Variants in ADAMTSL3 observed in about 807,000 individuals in gnomAD.
ADAMTSL3 encodes ADAMTS like 3.
ADAMTSL3 carries 128 observed loss-of-function variants against 201.7 expected under a neutral mutation model. The ratio of observed to expected loss-of-function variants is 0.63; its 90% CI spans 0.55 to 0.73. ADAMTSL3 has a LOEUF of 0.73. Ranked by LOEUF, ADAMTSL3 falls within the 30% of genes least tolerant of loss-of-function variation. ADAMTSL3 has a pLI of 0.00. For missense variants in ADAMTSL3, 1,990 were observed against 2,119.6 expected (o/e 0.94, Z 1.20); for synonymous variants, 738 against 748.4 (o/e 0.99, Z 0.23).
At chr15:83,897,832 G>A (rs199918969) in intron 13 of ADAMTSL3, 26 bp from the exon 14 acceptor site, 31 of 1,556,006 alleles carry the variant, frequency 2.0e-5, no homozygotes, top group Admixed American at 7.6e-5. Context: ...AAAGAAATGC[G>A]TTGGCTTCTC....
At chr15:83,855,136 C>G (rs534235231) in intron 7 of ADAMTSL3, among the ~76,000 whole-genome samples, 1 of 152,272 alleles carries the variant, frequency 6.6e-6, no homozygotes, top group East Asian at 1.9e-4. Context: ...CTTCCTGCTT[C>G]CTTAGAGTCT....
Position 83,943,022 on chromosome 15 carries a change from T to G in ADAMTSL3, c.2430T>G (p.Ser810=). The G allele has an allele frequency of 6.2e-7, 1 of 1,614,108 alleles. No individual in the cohort carries two copies. The highest frequency in any genetic ancestry group is 1.3e-5 in the African/African-American group (1 of 75,056). The part of the protein sequence containing the change: ...DELCQGPKAS[S]HKSCARTDCP... ...TGTGCCAAGGACCCAAGGCATCGTC[T>G]CACAAGTCCTGTGCCAGGACAGACT... Residue 810 remains serine (S), a synonymous_variant, in exon 19 of 30, where the codon TCT becomes TCG. Coordinates refer to ENST00000286744, the MANE Select transcript of ADAMTSL3 (RefSeq NM_207517.3).
intron 2 of ADAMTSL3, among the ~76,000 whole-genome samples, chr15:83,674,772 T>TACAC (rs1037094872): frequency 7.8e-6 from 1 of 128,356 alleles, no homozygotes; most frequent in Non-Finnish European, 1.7e-5. Flanking sequence ...TATACATATA[T>TACAC]ATATATATAT....
chr15:83,796,589 A>G (rs939486639), intron 4 of ADAMTSL3, among the ~76,000 whole-genome samples: 1 of 152,226 alleles, frequency 6.6e-6, no homozygotes, highest in Non-Finnish European at 1.5e-5. Context: ...TATAAGCATA[A>G]TTTCAATTCT....
intron 20 of ADAMTSL3, among the ~76,000 whole-genome samples, chr15:83,974,793 G>T (rs1331041436): frequency 6.6e-6 from 1 of 152,036 alleles, no homozygotes; most frequent in Non-Finnish European, 1.5e-5. Context: ...GACTTTTAGG[G>T]TTCCTGAGCT....
At chr15:83,850,807 A>C (rs2064596905) in intron 7 of ADAMTSL3, among the ~76,000 whole-genome samples, 1 of 152,188 alleles carries the variant, frequency 6.6e-6, no homozygotes. Context: ...CCTCTGCCTC[A>C]CAGGATTCTC....
At chr15:83,831,366 C>A (rs751076663) in intron 6 of ADAMTSL3, among the ~76,000 whole-genome samples, 62 of 151,998 alleles carry the variant, frequency 4.1e-4, no homozygotes, top group Non-Finnish European at 8.4e-4. Flanking sequence ...AGCATAAACC[C>A]CCTTTTCAAA....
chr15:83,901,227 T>C (rs1472772452), intron 15 of ADAMTSL3, among the ~76,000 whole-genome samples: 1 of 152,006 alleles, frequency 6.6e-6, no homozygotes, highest in African/African-American at 2.4e-5. Flanking sequence ...AGTGTTGGGC[T>C]CCTGACAGAA....
At chr15:83,693,662 C>T (rs928976262) in intron 2 of ADAMTSL3, among the ~76,000 whole-genome samples, 1 of 152,176 alleles carries the variant, frequency 6.6e-6, no homozygotes, top group African/African-American at 2.4e-5. Flanking sequence ...ATTTATACCC[C>T]ATCTCCCAGC....
At chr15:83,904,698 T>C (rs925192760) in intron 15 of ADAMTSL3, among the ~76,000 whole-genome samples, 3 of 152,228 alleles carry the variant, frequency 2.0e-5, no homozygotes, top group African/African-American at 7.2e-5. Flanking sequence ...TGGTTCATGG[T>C]TGTTTTAAAA....
In ADAMTSL3 at chr15:83,700,976, G is replaced by A. The variant is rs148221259; in HGVS notation, c.70-3413G>A. On this transcript the variant is annotated intron_variant, in intron 2 of 29. Transcript: ENST00000286744. ...TGTTGATTTCCCTTTCTAAAACACA[G>A]TATTCAGAGGGACGTTTTAGCGTAA... is the stretch of plus-strand genomic sequence containing the variant. Among the ~76,000 whole-genome samples, 518 of 152,254 alleles carry A rather than the reference G, an allele frequency of 3.4e-3. 4 individuals carry two copies. The highest frequency in any genetic ancestry group is 0.012 in the African/African-American group (481 of 41,534).
At chr15:83,991,435 G>A (rs962684297) in intron 23 of ADAMTSL3, among the ~76,000 whole-genome samples, 2 of 152,194 alleles carry the variant, frequency 1.3e-5, no homozygotes, top group African/African-American at 4.8e-5. Context: ...CAAGTTACTT[G>A]TTTCCAGTGT....
intron 8 of ADAMTSL3, among the ~76,000 whole-genome samples, chr15:83,859,041 G>A (rs117825563): frequency 0.011 from 1,614 of 152,334 alleles, 9 homozygotes; most frequent in Non-Finnish European, 0.014. Context: ...GCCAGAGACA[G>A]TGAGGCATTT....
rs59071955 is a variant in ADAMTSL3 at position 83,783,837 on chromosome 15, C to CTGTGTGTGTGTGTGTGTG, written c.317+10199_317+10216dup. Among the ~76,000 whole-genome samples, 15 of 148,760 alleles carry CTGTGTGTGTGTGTGTGTG rather than the reference C, an allele frequency of 1.0e-4. No individual in the cohort carries two copies. The Middle Eastern group carries it at 0.017, about 170-fold the overall frequency. ...TTTTAAAAGTATCTGCATATATACT[C>CTGTGTGTGTGTGTGTGTG]TGTGTGTGTGTGTGTGTGTGTGTGT... On this transcript the variant is annotated intron_variant, in intron 4 of 29. Transcript: ENST00000286744.
rs1345997588 is a variant in ADAMTSL3 at position 84,038,193 on chromosome 15, A to G, written c.*387A>G. The G allele has an allele frequency of 5.8e-6, 1 of 171,170 alleles. No individual in the cohort carries two copies. The highest frequency in any genetic ancestry group is 2.4e-5 in the African/African-American group (1 of 42,270). The allele number at this position is 171,170 out of a possible 1,614,324, so 10.6% of individuals were successfully genotyped here. A position where few individuals can be genotyped will look rare whatever the true frequency, so the allele number is the denominator to read the frequency against. On this transcript the variant is annotated 3_prime_UTR_variant, in exon 30 of 30. Transcript: ENST00000286744. ...AACTTGGGAAACACAGCAACCCATG[A>G]CTTCCTCTTCTCTCAAGTTGCAGGT...
At chr15:84,003,912 A>C (rs1290975395) in intron 23 of ADAMTSL3, among the ~76,000 whole-genome samples, 1 of 152,132 alleles carries the variant, frequency 6.6e-6, no homozygotes, top group Admixed American at 6.5e-5. Flanking sequence ...GGCCCACAGC[A>C]CCCACACAGG....
chr15:83,785,616 C>T (rs2063249113), intron 4 of ADAMTSL3, among the ~76,000 whole-genome samples: 3 of 152,060 alleles, frequency 2.0e-5, no homozygotes, highest in African/African-American at 7.2e-5. Flanking sequence ...TTTACCCTGG[C>T]ACATGGTGAC....
intron 27 of ADAMTSL3, among the ~76,000 whole-genome samples, chr15:84,028,126 G>A (rs996822694): frequency 6.6e-6 from 1 of 152,188 alleles, no homozygotes; most frequent in Non-Finnish European, 1.5e-5. Context: ...ACTGTTAAAG[G>A]TATGGGGTTT....
At chr15:83,827,081 G>A (rs1018411266) in intron 6 of ADAMTSL3, among the ~76,000 whole-genome samples, 24 of 152,270 alleles carry the variant, frequency 1.6e-4, no homozygotes, top group East Asian at 1.2e-3. Flanking sequence ...CTGAGGAATT[G>A]CCACACTGAC....
Sources: gnomAD v4.1 joint callset for allele counts (sites outside exome capture counted in the v4.1 genomes callset) on GRCh38, gnomAD v4.1.1 for gene constraint, MANE v1.5 for transcripts, NCBI Gene and HGNC (gene_info 2026-07-23, HGNC 2026-07-21) for gene names.